Variants in B4GALNT1 observed in about 807,000 individuals in gnomAD.
B4GALNT1 encodes beta-1,4-N-acetyl-galactosaminyltransferase 1.
In B4GALNT1, 43 loss-of-function variants were observed where a neutral mutation model predicts 55.2. The ratio of observed to expected loss-of-function variants is 0.78; its 90% CI spans 0.61 to 1.00. The LOEUF is 1.00. Ranked by LOEUF, B4GALNT1 falls within the 50% of genes least tolerant of loss-of-function variation. The pLI is 0.00. For missense variants in B4GALNT1, 664 were observed against 729.7 expected (o/e 0.91, Z 1.04); for synonymous variants, 305 against 311.6 (o/e 0.98, Z 0.22).
intron 3 of B4GALNT1, 54 bp downstream of exon 3, chr12:57,631,146 G>A (rs535624016): frequency 1.2e-5 from 20 of 1,611,484 alleles, no homozygotes; most frequent in South Asian, 4.4e-5. Context: ...TCTCCCTCCC[G>A]GCACAATCAC....
Position 57,631,041 on chromosome 12 carries a change from G to A in B4GALNT1, c.429C>T (p.Ser143=). ...ADQLLIAPAN[S]PLQYPLQGVE... is the part of the protein sequence containing the mutation. ...CACCCTGTAGGGGGTACTGGAGCGG[G>A]GAGTTGGCAGGGGCTATGAGCAGCT... is the stretch of plus-strand genomic sequence containing the variant. The change falls in exon 4 of 11, where the codon TCC becomes TCT. Residue 143 remains serine, a synonymous_variant. Coordinates refer to ENST00000341156, the MANE Select transcript of B4GALNT1 (RefSeq NM_001478.5). The A allele has an allele frequency of 1.9e-6, 3 of 1,613,190 alleles. No homozygotes were observed. The highest frequency in any genetic ancestry group is 1.3e-5 in the African/African-American group (1 of 75,042).
intron 2 of B4GALNT1, 97 bp downstream of exon 2, chr12:57,631,818 G>A (rs1322892477): frequency 1.4e-5 from 17 of 1,199,676 alleles, no homozygotes; most frequent in Non-Finnish European, 1.9e-5. Flanking sequence ...CAGCCCGTTA[G>A]GAGAATGCAG....
In B4GALNT1 at chr12:57,626,135, G is replaced by A. The variant is rs1027625215; in HGVS notation, c.*609C>T. On this transcript the variant is annotated 3_prime_UTR_variant, in exon 11 of 11. Transcript: ENST00000341156. ...CTAACGTAACTAATAAAATGAAGCT[G>A]AGAGCTTTGGAATCCATGAAGTGAG... The A allele has an allele frequency of 3.4e-5, 6 of 176,976 alleles. No homozygotes were observed. Among genetic ancestry groups the A allele is most frequent in the Non-Finnish European group, 7.2e-5 (6 of 83,380 alleles). 11.0% of individuals were successfully genotyped at this position (176,976 alleles called of 1,614,324 possible).
rs1885132100 is a variant in B4GALNT1 at position 57,630,507 on chromosome 12, G to A, written c.502C>T (p.Gln168Ter). 4.4e-6 allele frequency: 7 copies of A among 1,608,882 alleles called. No homozygotes were observed. Among genetic ancestry groups the A allele is most frequent in the Non-Finnish European group, 5.9e-6 (7 of 1,177,568 alleles). ...TATACCTCCTGACCAGAAGCTGCCT[G>A]AAGGCTCAGCCCTAGGAGAAAGGAG... is the stretch of plus-strand genomic sequence containing the variant. ...RSILVPGLSLQAASGQEVYQV... is the reference protein window; with the variant it reads ...RSILVPGLSL Residue 168 changes from glutamine (Q) to a stop codon, truncating the protein, a stop_gained, in exon 5 of 11, where the codon CAG becomes TAG. Coordinates refer to ENST00000341156, the MANE Select transcript of B4GALNT1 (RefSeq NM_001478.5). LOFTEE classifies it high-confidence loss of function.
chr12:57,629,841 G>A (rs1885080494), intron 6 of B4GALNT1: 2 of 1,481,480 alleles, frequency 1.3e-6, no homozygotes, highest in Middle Eastern at 1.8e-4. Flanking sequence ...TTGCCCTCTA[G>A]TAAGGGGTGG....
In B4GALNT1 at chr12:57,629,081, G is replaced by C. The variant is rs1156505173; in HGVS notation, c.778C>G (p.Arg260Gly). 3.1e-6 allele frequency: 5 copies of C among 1,596,540 alleles called. No individual in the cohort carries two copies. The highest frequency in any genetic ancestry group is 1.1e-5 in the South Asian group (1 of 89,576). ...TIRIRHPPNP[R>G]LYPPGSLPQG... ...GGTAGAGACCCAGGTGGGTACAGCC[G>C]AGGGTTGGGCGGGTGTCTTATGCGG... The change falls in exon 7 of 11, where the codon CGG (arginine) becomes GGG (glycine). Residue 260 changes from arginine to glycine, a missense_variant. Coordinates refer to ENST00000341156, the MANE Select transcript of B4GALNT1 (RefSeq NM_001478.5).
rs760151227 is a variant in B4GALNT1 at position 57,627,856 on chromosome 12, C to G, written c.1146G>C (p.Val382=). The change falls in exon 10 of 11, where the codon GTG becomes GTC. Residue 382 remains valine, a splice_region_variant and synonymous_variant. Coordinates refer to ENST00000341156, the MANE Select transcript of B4GALNT1 (RefSeq NM_001478.5). The part of the protein sequence containing the change: ...DVLERTPLDL[V]GGAVREISGF... ...CGGAGATCTCGCGCACCGCGCCCCC[C>G]ACCTGCAGGGAGAGGGAGGTTGCCT... 1.7e-5 allele frequency: 27 copies of G among 1,580,376 alleles called. No homozygotes were observed. Among genetic ancestry groups the G allele is most frequent in the South Asian group, 2.3e-5 (2 of 87,786 alleles).
intron 9 of B4GALNT1, 43 bp downstream of exon 9, chr12:57,628,079 C>T (rs759791916): frequency 1.2e-6 from 2 of 1,609,500 alleles, no homozygotes; most frequent in Admixed American, 3.3e-5. Flanking sequence ...TTAGCCTGTT[C>T]AAGGCCCTTC....
chr12:57,630,559 C>A (rs769272991), intron 4 of B4GALNT1, 41 bp from the exon 5 acceptor site: 2 of 1,559,482 alleles, frequency 1.3e-6, no homozygotes, highest in Admixed American at 2.1e-5. Flanking sequence ...ACATAGGCAG[C>A]CCTGAATTCT....
Position 57,623,740 on chromosome 12 carries a change from C to A in B4GALNT1, c.*3004G>T. 9.4e-7 allele frequency: 1 copy of A among 1,068,628 alleles called. No homozygotes were observed. Among genetic ancestry groups the A allele is most frequent in the Admixed American group, 2.2e-5 (1 of 45,730 alleles). 66.2% of individuals were successfully genotyped at this position (1,068,628 alleles called of 1,614,324 possible). On this transcript the variant is annotated 3_prime_UTR_variant, in exon 11 of 11. Coordinates refer to ENST00000341156, the MANE Select transcript of B4GALNT1 (RefSeq NM_001478.5). ...AGGAGATTTGGGAGAAGGGAGACTT[C>A]CGAGGAAGATTAGGCAGAGTGGGCA...
In B4GALNT1 at chr12:57,631,055, C is replaced by T; in HGVS notation, c.415G>A (p.Ala139Thr). The part of the protein sequence containing the change: ...SQSPADQLLI[A>T]PANSPLQYPL... ...TACTGGAGCGGGGAGTTGGCAGGGG[C>T]TATGAGCAGCTGGTCAGCTGGGGAC... Residue 139 changes from alanine to threonine, a missense_variant, in exon 4 of 11, where the codon GCC (alanine) becomes ACC (threonine). Ala to Thr is a moderately conservative substitution (Grantham distance 58, BLOSUM62 0). Transcript: ENST00000341156. The T allele has an allele frequency of 1.2e-6, 2 of 1,612,508 alleles. No individual in the cohort carries two copies. Among genetic ancestry groups the T allele is most frequent in the Non-Finnish European group, 1.7e-6 (2 of 1,179,372 alleles).
chr12:57,624,928 T>C lies in B4GALNT1; in HGVS notation c.*1816A>G, dbSNP rs200645428. ...CAACACCACTGTACTTTGGGACCCG[T>C]GGGCAGTTTCGCTGCAACCTGGAGT... is the stretch of plus-strand genomic sequence containing the variant. On this transcript the variant is annotated 3_prime_UTR_variant, in exon 11 of 11. Coordinates refer to ENST00000341156, the MANE Select transcript of B4GALNT1 (RefSeq NM_001478.5). 19 of 1,613,992 alleles carry C rather than the reference T, an allele frequency of 1.2e-5. No homozygotes were observed. The highest frequency in any genetic ancestry group is 1.3e-5 in the African/African-American group (1 of 74,870).
rs1195110177 is a variant in B4GALNT1 at position 57,632,919 on chromosome 12, G to C, written c.-149C>G. Reference sequence around the variant, plus strand: ...GGTGTGGGGGACCCTCCTGCCTCTGGAGCGCGCCCGATCCCTCCCGTCTTG... The same window carrying C: ...GGTGTGGGGGACCCTCCTGCCTCTGCAGCGCGCCCGATCCCTCCCGTCTTG... On this transcript the variant is annotated 5_prime_UTR_variant, in exon 1 of 11. Transcript: ENST00000341156. 2 of 152,388 alleles carry C rather than the reference G, an allele frequency of 1.3e-5. No individual in the cohort carries two copies. Among genetic ancestry groups the C allele is most frequent in the African/African-American group, 4.8e-5 (2 of 41,456 alleles). The allele number at this position is 152,388 out of a possible 1,614,324, so 9.4% of individuals were successfully genotyped here.
In B4GALNT1 at chr12:57,625,877, G is replaced by A; in HGVS notation, c.*867C>T. 1 of 1,102,526 alleles carries A rather than the reference G, an allele frequency of 9.1e-7. No homozygotes were observed. Among genetic ancestry groups the A allele is most frequent in the African/African-American group, 1.6e-5 (1 of 63,988 alleles). 68.3% of individuals were successfully genotyped at this position (1,102,526 alleles called of 1,614,324 possible). ...AATCAGGGAGCCCGGGCTGAGCTAT[G>A]GGTGAGGAACTGAAGAACTCAGATC... On this transcript the variant is annotated 3_prime_UTR_variant, in exon 11 of 11. Coordinates refer to ENST00000341156, the MANE Select transcript of B4GALNT1 (RefSeq NM_001478.5).
intron 10 of B4GALNT1, 37 bp from the exon 11 acceptor site, chr12:57,626,998 A>G: frequency 6.4e-7 from 1 of 1,555,028 alleles, no homozygotes; most frequent in South Asian, 1.1e-5. Context: ...AGGGATCCTG[A>G]GGGTGCAGAA....
At position 57,629,131 on chromosome 12, in the gene B4GALNT1, T is replaced by C. The variant is rs149670131; in HGVS notation, c.728A>G (p.Glu243Gly). Residue 243 changes from glutamate (E) to glycine (G), a missense_variant, in exon 7 of 11, where the codon GAG becomes GGG. Physicochemically the swap from Glu to Gly is moderately conservative, Grantham distance 98. Transcript: ENST00000341156. The stretch of plus-strand genomic sequence containing the variant: ...GATAGTGAAAGCAGCCTCATGTCCC[T>C]CGGTGGAGAACCGGACTGGGAAGAA... ...NTADTVRFST[E>G]GHEAAFTIRI... 772 of 1,595,116 alleles carry C rather than the reference T, an allele frequency of 4.8e-4. 1 individual carries two copies. Among genetic ancestry groups the C allele is most frequent in the Middle Eastern group, 1.7e-3 (10 of 6,000 alleles).
chr12:57,629,905 A>G, intron 6 of B4GALNT1: 1 of 1,534,660 alleles, frequency 6.5e-7, no homozygotes, highest in Non-Finnish European at 8.7e-7. Flanking sequence ...GGGGCCCCCC[A>G]CAGTTGGCCT....
rs747602026 is a variant in B4GALNT1, at chr12:57,627,574, C to G, written c.1384+44G>C. Reference sequence around the variant, plus strand: ...GGCGCGTGACCGTGCGCCAGCTCCCCGTGGGGCTCCTGCCAGGGTCGACCG... The same window carrying G: ...GGCGCGTGACCGTGCGCCAGCTCCCGGTGGGGCTCCTGCCAGGGTCGACCG... On this transcript the variant is annotated intron_variant, in intron 10 of 10. Coordinates refer to ENST00000341156, the MANE Select transcript of B4GALNT1 (RefSeq NM_001478.5). 9.1e-6 allele frequency: 14 copies of G among 1,535,168 alleles called. No individual in the cohort carries two copies. In the Admixed American group the frequency reaches 1.6e-4, roughly 17 times the overall value.
Position 57,629,664 on chromosome 12 carries a change from T to A in B4GALNT1, c.712+488A>T, listed in dbSNP as rs1439106071. ...GATCTAAATGACAAGAAGAAGCCAGTCTGCAAAAATCTGGGGAAGAGCATT... is the reference window on the plus strand; with the variant it reads ...GATCTAAATGACAAGAAGAAGCCAGACTGCAAAAATCTGGGGAAGAGCATT... On this transcript the variant is annotated intron_variant, in intron 6 of 10. Transcript: ENST00000341156. 3 of 946,194 alleles carry A rather than the reference T, an allele frequency of 3.2e-6. No individual in the cohort carries two copies. In the East Asian group the frequency reaches 8.2e-5, roughly 26 times the overall value. The allele number at this position is 946,194 out of a possible 1,614,324, so 58.6% of individuals were successfully genotyped here. A position where few individuals can be genotyped will look rare whatever the true frequency, so the allele number is the denominator to read the frequency against.
Sources: gnomAD v4.1 joint callset for allele counts on GRCh38, gnomAD v4.1.1 for gene constraint, MANE v1.5 for transcripts, NCBI Gene and HGNC (gene_info 2026-07-23, HGNC 2026-07-21) for gene names.